AARSD1: variants seen among roughly 807,000 people sequenced by gnomAD.
The protein encoded by AARSD1 is alanyl-tRNA synthetase domain containing 1, also known as alanyl-tRNA editing protein Aarsd1.
Under a neutral mutation model 48.7 loss-of-function variants are expected in AARSD1, and 44 were observed. The observed-to-expected ratio is 0.90, with a 90% CI of 0.71 to 1.16. The LOEUF (loss-of-function observed/expected upper bound fraction) is 1.16. AARSD1 is among the 50% of genes most tolerant of loss of function. AARSD1 has a pLI of 0.00. For missense variants in AARSD1, 511 were observed against 523.1 expected (o/e 0.98, Z 0.23); for synonymous variants, 189 against 194.9 (o/e 0.97, Z 0.25).
chr17:42,955,315 T>G (rs777448883), intron 7 of AARSD1, 91 bp from the exon 8 acceptor site: 12 of 1,501,072 alleles, frequency 8.0e-6, no homozygotes, highest in Non-Finnish European at 9.9e-6. Flanking sequence ...CTTGCTATGG[T>G]GCCTCCCTGC....
At chr17:42,953,155 AT>A (rs2049502013) in intron 10 of AARSD1, among the ~76,000 whole-genome samples, 1 of 151,786 alleles carries the variant, frequency 6.6e-6, no homozygotes, top group Admixed American at 6.6e-5. Context: ...AATTTTTTGT[AT>A]TTTAGTAGAG....
At chr17:42,955,433 G>GAT in intron 7 of AARSD1, 4 of 404,256 alleles carry the variant, frequency 9.9e-6, no homozygotes, top group Non-Finnish European at 1.8e-5. Context: ...CAAAGCACTT[G>GAT]ATCTTTTTTT....
At chr17:42,954,028 T>C in intron 9 of AARSD1, 1 of 525,464 alleles carries the variant, frequency 1.9e-6, no homozygotes, top group Non-Finnish European at 3.4e-6. Flanking sequence ...CAGAAATCTG[T>C]TAGAGAGTAA....
rs199745290 is a variant in AARSD1, at chr17:42,956,277, C to G, written c.590G>C (p.Arg197Pro). 1.2e-6 allele frequency: 2 copies of G among 1,613,998 alleles called. No individual in the cohort carries two copies. Among genetic ancestry groups the G allele is most frequent in the African/African-American group, 1.3e-5 (1 of 74,944 alleles). ...ATCAACGCCCTCGATGTTAACAACC[C>G]GAATGGGCCCAGCATGATCATCAGG... The part of the protein sequence containing the change: ...GLPDDHAGPI[R>P]VVNIEGVDSN... The change falls in exon 6 of 12, where the codon CGG becomes CCG. Residue 197 changes from arginine (R) to proline (P), a missense_variant. By Grantham distance (103) the Arg-to-Pro change is moderately radical (BLOSUM62 -2). Transcript: ENST00000427569.
At chr17:42,954,744 T>G (rs960927754) in intron 9 of AARSD1, 132 bp downstream of exon 9, 1 of 1,022,622 alleles carries the variant, frequency 9.8e-7, no homozygotes, top group Non-Finnish European at 1.4e-6. Context: ...GTAACATATT[T>G]CTTAGGATCT....
chr17:42,956,363 G>C (rs7502993), intron 5 of AARSD1, 41 bp downstream of exon 5: 29 of 1,613,980 alleles, frequency 1.8e-5, no homozygotes, highest in Middle Eastern at 3.3e-4. Context: ...ATCTGATGAG[G>C]AATCATTCCG....
In AARSD1 at chr17:42,956,457, G is replaced by A. The variant is rs530345909; in HGVS notation, c.493C>T (p.Arg165Trp). ...EQSVNEKIRD[R>W]LPVNVRELSL... The stretch of plus-strand genomic sequence containing the variant: ...AGTTCTCGGACATTCACAGGCAGCC[G>A]ATCTCTGATTTTTTCATTGACGCTC... The change falls in exon 5 of 12, where the codon CGG becomes TGG. Residue 165 changes from arginine (R) to tryptophan (W), a missense_variant. Physicochemically the swap from Arg to Trp is moderately radical, Grantham distance 101. Transcript: ENST00000427569. The A allele has an allele frequency of 1.7e-5, 28 of 1,613,968 alleles. No homozygotes were observed. The African/African-American group carries it at 2.1e-4, about 12-fold the overall frequency.
At chr17:42,963,674 T>A (rs1290300167) in intron 2 of AARSD1, among the ~76,000 whole-genome samples, 1 of 152,100 alleles carries the variant, frequency 6.6e-6, no homozygotes, top group African/African-American at 2.4e-5. Flanking sequence ...CCTGCTATTC[T>A]ACCTGCCTGA....
intron 7 of AARSD1, 36 bp from the exon 8 acceptor site, chr17:42,955,260 TC>T (rs1232067583): frequency 6.2e-7 from 1 of 1,611,820 alleles, no homozygotes; most frequent in Non-Finnish European, 8.5e-7. Context: ...CTGCGCAGCT[TC>T]CCAGTCGTTT....
rs1567716093 is a variant in AARSD1, at chr17:42,956,293, G to C, written c.574C>G (p.His192Asp). 2 of 1,614,104 alleles carry C rather than the reference G, an allele frequency of 1.2e-6. No individual in the cohort carries two copies. The highest frequency in any genetic ancestry group is 1.1e-5 in the South Asian group (1 of 91,084). The change falls in exon 6 of 12, where the codon CAT becomes GAT. Residue 192 changes from histidine to aspartate, a missense_variant. Coordinates refer to ENST00000427569, the MANE Select transcript of AARSD1 (RefSeq NM_001261434.2). Reference protein sequence around the residue: ...QVSGRGLPDDHAGPIRVVNIE... With the variant: ...QVSGRGLPDDDAGPIRVVNIE... ...TTAACAACCCGAATGGGCCCAGCAT[G>C]ATCATCAGGCAAACCCCGGCCACTC...
chr17:42,961,222 G>A lies in AARSD1; in HGVS notation c.301C>T (p.Arg101Trp), dbSNP rs754859878. 2.1e-5 allele frequency: 34 copies of A among 1,613,560 alleles called. No homozygotes were observed. Among genetic ancestry groups the A allele is most frequent in the South Asian group, 1.3e-4 (12 of 91,022 alleles). Residue 101 changes from arginine (R) to tryptophan (W), a missense_variant, in exon 3 of 12, where the codon CGG becomes TGG. Arg to Trp is a moderately radical substitution (Grantham distance 101). Transcript: ENST00000427569. ...TGCTGCTGCATGTGGTCAAACCTCC[G>A]CTCCCAATCTACCCGGACCAGAACC... ...SQVLVRVDWE[R>W]RFDHMQQHSG...
intron 10 of AARSD1, 120 bp from the exon 11 acceptor site, chr17:42,952,014 C>G: frequency 8.6e-7 from 1 of 1,162,692 alleles, no homozygotes. Flanking sequence ...CCAAGTGACG[C>G]TCCTGATGAA....
intron 3 of AARSD1, 161 bp from the exon 4 acceptor site, chr17:42,957,356 G>A: frequency 2.4e-6 from 2 of 846,940 alleles, no homozygotes; most frequent in Non-Finnish European, 3.4e-6. Flanking sequence ...AAATCACAAT[G>A]AGAATTCTGC....
intron 10 of AARSD1, 53 bp from the exon 11 acceptor site, chr17:42,951,947 C>T (rs986423806): frequency 1.1e-5 from 18 of 1,568,992 alleles, no homozygotes; most frequent in Non-Finnish European, 1.5e-5. Flanking sequence ...GTAGAGTCAA[C>T]CCCCCAAATC....
chr17:42,962,259 C>T (rs753272315), intron 2 of AARSD1: 45 of 255,936 alleles, frequency 1.8e-4, no homozygotes, highest in Middle Eastern at 1.4e-3. Flanking sequence ...GAGATCACGC[C>T]GCTGCGCTCC....
chr17:42,955,291 T>C (rs1487108782), intron 7 of AARSD1, 67 bp from the exon 8 acceptor site: 2 of 1,593,048 alleles, frequency 1.3e-6, no homozygotes, highest in African/African-American at 1.3e-5. Flanking sequence ...GGGACATAAA[T>C]CAATAATTTC....
intron 3 of AARSD1, among the ~76,000 whole-genome samples, chr17:42,958,143 C>T (rs2049583483): frequency 6.6e-6 from 1 of 152,068 alleles, no homozygotes; most frequent in African/African-American, 2.4e-5. Flanking sequence ...TGGCTTTACA[C>T]GAAGACCTAC....
chr17:42,963,946 A>C (rs1002028846), intron 2 of AARSD1, among the ~76,000 whole-genome samples, 160 bp downstream of exon 2: 2 of 152,244 alleles, frequency 1.3e-5, no homozygotes, highest in Admixed American at 6.5e-5. Context: ...TGTTATGTCT[A>C]GATAAGCAAT....
At chr17:42,953,245 G>T (rs2049503570) in intron 10 of AARSD1, among the ~76,000 whole-genome samples, 1 of 152,154 alleles carries the variant, frequency 6.6e-6, no homozygotes, top group African/African-American at 2.4e-5. Context: ...CTCCCAAAGT[G>T]CTGGAATTAC....
Sources: allele counts gnomAD v4.1 joint callset (sites outside exome capture counted in the v4.1 genomes callset), GRCh38; gene constraint gnomAD v4.1.1; transcripts MANE v1.5; gene names NCBI Gene and HGNC (gene_info 2026-07-23, HGNC 2026-07-21).